AKAP6: variants seen among roughly 807,000 people sequenced by gnomAD.
The protein encoded by AKAP6 is A-kinase anchor protein 6.
Under a neutral mutation model 188.5 loss-of-function variants are expected in AKAP6, and 58 were observed. The ratio of observed to expected loss-of-function variants is 0.31; its 90% confidence interval spans 0.25 to 0.38. The LOEUF is 0.38. Among genes scored for constraint, AKAP6 ranks in the 10% least tolerant of loss-of-function variants. The pLI, the probability that AKAP6 is intolerant of heterozygous loss-of-function variation, is 1.00. For synonymous variants in AKAP6, 989 were observed against 998.6 expected (o/e 0.99, Z 0.18); for missense variants, 2,710 against 2,740.0 (o/e 0.99, Z 0.24).
intron 2 of AKAP6, among the ~76,000 whole-genome samples, chr14:32,467,695 T>A (rs1176574212): frequency 6.6e-6 from 1 of 152,012 alleles, no homozygotes; most frequent in Non-Finnish European, 1.5e-5. Flanking sequence ...GTTGTTTGGA[T>A]AACTCTTCCC....
At chr14:32,373,788 G>A (rs1025885936) in intron 1 of AKAP6, among the ~76,000 whole-genome samples, 1 of 152,184 alleles carries the variant, frequency 6.6e-6, no homozygotes, top group African/African-American at 2.4e-5. Context: ...ATTTTGCAAA[G>A]GCGGTTCCAT....
intron 1 of AKAP6, among the ~76,000 whole-genome samples, chr14:32,353,722 C>T (rs1320514712): frequency 6.6e-6 from 1 of 152,010 alleles, no homozygotes; most frequent in Non-Finnish European, 1.5e-5. Context: ...TCATCTCAGC[C>T]CAAAATCTCC....
intron 2 of AKAP6, among the ~76,000 whole-genome samples, chr14:32,456,368 T>C (rs1301617402): frequency 6.6e-6 from 1 of 152,086 alleles, no homozygotes; most frequent in Admixed American, 6.5e-5. Context: ...GAAATATAGT[T>C]TAATTTTGAC....
chr14:32,796,171 A>C (rs2033762397), intron 12 of AKAP6, among the ~76,000 whole-genome samples: 1 of 152,218 alleles, frequency 6.6e-6, no homozygotes, highest in Non-Finnish European at 1.5e-5. Flanking sequence ...CATGGATAGG[A>C]AGAATCAGTA....
chr14:32,433,129 A>C (rs1890273153), intron 1 of AKAP6: 1 of 210,598 alleles, frequency 4.7e-6, no homozygotes, highest in South Asian at 8.4e-5. Context: ...CCTAGCTGCA[A>C]GGGAGATAGG....
Position 32,823,354 on chromosome 14 carries a change from C to G in AKAP6, c.5541C>G (p.Thr1847=). Residue 1847 remains threonine (T), a synonymous_variant, in exon 13 of 14, where the codon ACC becomes ACG. Coordinates refer to ENST00000280979, the MANE Select transcript of AKAP6 (RefSeq NM_004274.5). ...TNPSDTLNIE[T]LLNGSVKRVS... ...CCTCTGATACTCTGAATATTGAGAC[C>G]CTTCTAAATGGCTCTGTAAAACGTG... The G allele has an allele frequency of 1.2e-6, 2 of 1,613,708 alleles. No homozygotes were observed. Among genetic ancestry groups the G allele is most frequent in the East Asian group, 2.2e-5 (1 of 44,866 alleles).
At chr14:32,767,143 A>G (rs1284569470) in intron 11 of AKAP6, among the ~76,000 whole-genome samples, 1 of 152,186 alleles carries the variant, frequency 6.6e-6, no homozygotes, top group Non-Finnish European at 1.5e-5. Context: ...AATCTTTAAT[A>G]TGCCATAATT....
intron 1 of AKAP6, among the ~76,000 whole-genome samples, chr14:32,339,433 G>T (rs149994357): frequency 0.01 from 1,557 of 152,254 alleles, 25 homozygotes; most frequent in Non-Finnish European, 0.017. Context: ...TCTATTGGAA[G>T]CAGGGATATT....
intron 9 of AKAP6, among the ~76,000 whole-genome samples, chr14:32,707,155 T>C (rs1344297889): frequency 6.6e-6 from 1 of 151,320 alleles, no homozygotes; most frequent in Non-Finnish European, 1.5e-5. Context: ...TGTATACATA[T>C]ATACACGTAT....
chr14:32,482,917 A>T (rs2138907321), intron 2 of AKAP6, among the ~76,000 whole-genome samples: 1 of 152,056 alleles, frequency 6.6e-6, no homozygotes, highest in South Asian at 2.1e-4. Context: ...ATGTGACTAT[A>T]TCTGTGAGAA....
At chr14:32,394,391 G>A (rs1888806579) in intron 1 of AKAP6, among the ~76,000 whole-genome samples, 1 of 152,154 alleles carries the variant, frequency 6.6e-6, no homozygotes, top group African/African-American at 2.4e-5. Context: ...GGAGATAAAG[G>A]TCCAAAACTG....
intron 11 of AKAP6, among the ~76,000 whole-genome samples, chr14:32,751,005 A>G (rs2032114392): frequency 6.6e-6 from 1 of 152,008 alleles, no homozygotes; most frequent in Non-Finnish European, 1.5e-5. Context: ...AAGTGCTGGG[A>G]TTACAGGCGT....
chr14:32,600,212 T>G (rs2139349260), intron 6 of AKAP6, among the ~76,000 whole-genome samples: 1 of 152,350 alleles, frequency 6.6e-6, no homozygotes, highest in Non-Finnish European at 1.5e-5. Context: ...TCTGGCCTAT[T>G]TACTGTATTT....
At chr14:32,374,971 T>G (rs1300620990) in intron 1 of AKAP6, among the ~76,000 whole-genome samples, 2 of 152,236 alleles carry the variant, frequency 1.3e-5, no homozygotes, top group Non-Finnish European at 2.9e-5. Context: ...TAATCAATTT[T>G]GTATTTAAGA....
chr14:32,432,458 T>C (rs1203907613), intron 1 of AKAP6, among the ~76,000 whole-genome samples: 1 of 152,214 alleles, frequency 6.6e-6, no homozygotes, highest in East Asian at 1.9e-4. Flanking sequence ...TTTTACTGTT[T>C]ATGTATTTCA....
intron 11 of AKAP6, among the ~76,000 whole-genome samples, chr14:32,771,847 G>A (rs2032908030): frequency 6.6e-6 from 1 of 152,140 alleles, no homozygotes; most frequent in African/African-American, 2.4e-5. Flanking sequence ...CGCTTAACAA[G>A]TTAACAAAAC....
At chr14:32,511,820 C>T (rs564078690) in intron 2 of AKAP6, among the ~76,000 whole-genome samples, 52 of 152,236 alleles carry the variant, frequency 3.4e-4, no homozygotes, top group African/African-American at 1.1e-3. Flanking sequence ...TCATCTTTCT[C>T]TTTCCTGTGT....
At chr14:32,777,364 A>C (rs1163386124) in intron 12 of AKAP6, among the ~76,000 whole-genome samples, 8 of 152,236 alleles carry the variant, frequency 5.3e-5, no homozygotes, top group African/African-American at 1.9e-4. Context: ...ATTAATCAAT[A>C]TAAACTGATC....
chr14:32,660,920 C>T (rs1374334734), intron 7 of AKAP6, among the ~76,000 whole-genome samples: 3 of 81,304 alleles, frequency 3.7e-5, no homozygotes, highest in African/African-American at 1.9e-4. Flanking sequence ...TTTTCTTCCC[C>T]GCCACCCCCC....
Sources: gnomAD v4.1 joint callset for allele counts (sites outside exome capture counted in the v4.1 genomes callset) on GRCh38, gnomAD v4.1.1 for gene constraint, MANE v1.5 for transcripts, NCBI Gene and HGNC (gene_info 2026-07-23, HGNC 2026-07-21) for gene names.